NRP2: variants seen among roughly 807,000 people sequenced by gnomAD.
NRP2 encodes the protein neuropilin-2.
In NRP2, 52 loss-of-function variants were observed where a neutral mutation model predicts 110.4. The ratio of observed to expected loss-of-function variants is 0.47; its 90% CI spans 0.38 to 0.59. The LOEUF is 0.59. Among genes scored for constraint, NRP2 ranks in the 20% least tolerant of loss-of-function variants. The pLI is 0.00. For missense variants in NRP2, 1,049 were observed against 1,203.0 expected, an observed-to-expected ratio of 0.87 and a Z score of 1.89; for synonymous variants, 508 against 468.9, an observed-to-expected ratio of 1.08 and a Z score of -1.08.
Position 205,749,795 on chromosome 2 carries a change from C to A in NRP2, c.1857C>A (p.Thr619=), listed in dbSNP as rs777980687. The A allele has an allele frequency of 3.1e-6, 5 of 1,614,026 alleles. No homozygotes were observed. In the African/African-American group the frequency reaches 5.3e-5, roughly 17 times the overall value. Residue 619 remains threonine, a synonymous_variant, in exon 11 of 17, where the codon ACC becomes ACA. Coordinates refer to ENST00000357785, the MANE Select transcript of NRP2 (RefSeq NM_003872.3). ...KSEETTTPYP[T]EEEATECGEN... ...AAGAGACAACCACCCCCTACCCCAC[C>A]GAAGAGGAGGCCACAGAGTGTGGGG...
intron 7 of NRP2, among the ~76,000 whole-genome samples, chr2:205,736,661 A>G (rs1370305670): frequency 6.6e-6 from 1 of 152,220 alleles, no homozygotes; most frequent in East Asian, 1.9e-4. Context: ...TTAAGTGTCT[A>G]TCTGCAAGCC....
intron 7 of NRP2, among the ~76,000 whole-genome samples, chr2:205,730,845 G>A (rs1221542984): frequency 6.6e-6 from 1 of 152,220 alleles, no homozygotes; most frequent in Non-Finnish European, 1.5e-5. Context: ...CAAGGCCTAG[G>A]CCTCTGAAAG....
chr2:205,702,674 C>A (rs2056585827), intron 2 of NRP2, among the ~76,000 whole-genome samples: 1 of 152,184 alleles, frequency 6.6e-6, no homozygotes, highest in Non-Finnish European at 1.5e-5. Context: ...CAGTTGATAA[C>A]CTGATCATAG....
At chr2:205,765,805 G>A (rs2057908814) in intron 14 of NRP2, 3 of 652,278 alleles carry the variant, frequency 4.6e-6, no homozygotes, top group East Asian at 6.3e-5. Context: ...AAATAGACAT[G>A]CACTAAGTAC....
intron 15 of NRP2, among the ~76,000 whole-genome samples, chr2:205,769,770 G>C (rs952841875): frequency 6.6e-6 from 1 of 152,008 alleles, no homozygotes; most frequent in Non-Finnish European, 1.5e-5. Flanking sequence ...ACATGGTGCC[G>C]TCATGTATCT....
intron 15 of NRP2, among the ~76,000 whole-genome samples, chr2:205,782,796 G>A (rs935215085): frequency 4.6e-5 from 7 of 150,706 alleles, no homozygotes; most frequent in Non-Finnish European, 8.8e-5. Flanking sequence ...TCCATATTGT[G>A]TTGATATGCC....
chr2:205,742,919 C>T (rs914464135), intron 8 of NRP2, among the ~76,000 whole-genome samples: 4 of 152,184 alleles, frequency 2.6e-5, no homozygotes, highest in African/African-American at 9.7e-5. Context: ...GTAGGCACCT[C>T]TATTAGCTCC....
At chr2:205,794,171 C>T (rs1005246606) in intron 16 of NRP2, among the ~76,000 whole-genome samples, 5 of 152,198 alleles carry the variant, frequency 3.3e-5, no homozygotes, top group African/African-American at 9.6e-5. Context: ...AGTGCAGTGG[C>T]GCAATCTCGG....
chr2:205,775,466 C>T (rs1437421724), intron 15 of NRP2, among the ~76,000 whole-genome samples: 2 of 152,180 alleles, frequency 1.3e-5, no homozygotes, highest in African/African-American at 2.4e-5. Flanking sequence ...CTCACTCACT[C>T]ACTCTCGCTC....
intron 15 of NRP2, among the ~76,000 whole-genome samples, chr2:205,788,956 T>A (rs1467210604): frequency 6.6e-6 from 1 of 152,198 alleles, no homozygotes; most frequent in Non-Finnish European, 1.5e-5. Flanking sequence ...CAATGTAATT[T>A]AGTTTCCTGC....
At chr2:205,741,340 G>A (rs2057438247) in intron 8 of NRP2, among the ~76,000 whole-genome samples, 1 of 152,210 alleles carries the variant, frequency 6.6e-6, no homozygotes, top group Non-Finnish European at 1.5e-5. Flanking sequence ...TTGAGGTGAG[G>A]TTAGAAGGCA....
At chr2:205,744,022 G>T (rs1300053319) in intron 9 of NRP2, among the ~76,000 whole-genome samples, 1 of 152,170 alleles carries the variant, frequency 6.6e-6, no homozygotes, top group African/African-American at 2.4e-5. Context: ...GGGATTATAG[G>T]CATGAACCAC....
chr2:205,716,173 T>C lies in NRP2; in HGVS notation c.252-20T>C, dbSNP rs773927775. Reference sequence around the variant, plus strand: ...ATGTCCTTCGAGTGATCTTTTCTTGTCTGTGCCATCCCCACCCAGGTATGA... The same window carrying C: ...ATGTCCTTCGAGTGATCTTTTCTTGCCTGTGCCATCCCCACCCAGGTATGA... On this transcript the variant is annotated intron_variant, in intron 2 of 16. Transcript: ENST00000357785. 8.1e-6 allele frequency: 13 copies of C among 1,613,848 alleles called. No individual in the cohort carries two copies. In the South Asian group the frequency reaches 1.3e-4, roughly 16 times the overall value.
At position 205,763,922 on chromosome 2, in the gene NRP2, G is replaced by T; in HGVS notation, c.2293G>T (p.Asp765Tyr). Residue 765 changes from aspartate (D) to tyrosine (Y), a missense_variant, in exon 13 of 17, where the codon GAC (aspartate) becomes TAC (tyrosine). Physicochemically the swap from Asp to Tyr is radical, Grantham distance 160 (BLOSUM62 -3). Coordinates refer to ENST00000357785, the MANE Select transcript of NRP2 (RefSeq NM_003872.3). The surrounding 1 kb of genome is among the most constrained non-coding windows in gnomAD (Gnocchi z 4.0). ...CGGGCGGATCATCCTGCCCAGCTACGACATGGAGTACCAGGTGGGGTGAGC... is the reference window on the plus strand; with the variant it reads ...CGGGCGGATCATCCTGCCCAGCTACTACATGGAGTACCAGGTGGGGTGAGC... ...KHGRIILPSYDMEYQIVFEGV... is the reference protein window; with the variant it reads ...KHGRIILPSYYMEYQIVFEGV... 6.2e-7 allele frequency: 1 copy of T among 1,614,076 alleles called. No individual in the cohort carries two copies. Among genetic ancestry groups the T allele is most frequent in the Non-Finnish European group, 8.5e-7 (1 of 1,179,976 alleles).
At chr2:205,759,689 A>T (rs1450758883) in intron 12 of NRP2, 2 of 152,160 alleles carry the variant, frequency 1.3e-5, no homozygotes, top group African/African-American at 4.8e-5. Context: ...CTCATGCCAA[A>T]CATACTTCTT....
In NRP2 at chr2:205,734,170, T is replaced by TTATATA. The variant is rs61142559; in HGVS notation, c.1146+6137_1146+6142dup. Among the ~76,000 whole-genome samples the TTATATA allele has an allele frequency of 1.5e-3, 230 of 149,390 alleles. 2 individuals are homozygous for TTATATA. Among genetic ancestry groups the TTATATA allele is most frequent in the African/African-American group, 5.4e-3 (221 of 40,684 alleles). ...ACCTTCTCTTAATCTCTCTCTGTGT[T>TTATATA]TATATATATATATATATACATATAT... On this transcript the variant is annotated intron_variant, in intron 7 of 16. Coordinates refer to ENST00000357785, the MANE Select transcript of NRP2 (RefSeq NM_003872.3).
Position 205,709,994 on chromosome 2 carries a change from G to T in NRP2, c.252-6199G>T, listed in dbSNP as rs546999405. Reference sequence around the variant, plus strand: ...TCTTGAAATCATGGATTCCAAATCCGCTCACTTTTCCTGTTGGTGATTTGT... The same window carrying T: ...TCTTGAAATCATGGATTCCAAATCCTCTCACTTTTCCTGTTGGTGATTTGT... On this transcript the variant is annotated intron_variant, in intron 2 of 16. Transcript: ENST00000357785. Among the ~76,000 whole-genome samples, 121 of 152,268 alleles carry T rather than the reference G, an allele frequency of 7.9e-4. 3 individuals carry two copies. In the South Asian group the frequency reaches 0.021, roughly 26 times the overall value.
intron 1 of NRP2, among the ~76,000 whole-genome samples, chr2:205,695,917 T>G (rs1411353181): frequency 2.0e-5 from 3 of 152,080 alleles, no homozygotes; most frequent in Admixed American, 6.6e-5. Flanking sequence ...CCTCATGTGG[T>G]CTGGGTGGGA....
intron 3 of NRP2, among the ~76,000 whole-genome samples, chr2:205,721,070 C>T (rs2057001503): frequency 6.6e-6 from 1 of 152,220 alleles, no homozygotes; most frequent in Admixed American, 6.5e-5. Context: ...ACTCCTCCAT[C>T]CGCATTTATT....
Sources: allele counts gnomAD v4.1 joint callset (sites outside exome capture counted in the v4.1 genomes callset), GRCh38; gene constraint gnomAD v4.1.1; non-coding constraint Gnocchi (gnomAD v3.1); transcripts MANE v1.5; gene names NCBI Gene and HGNC (gene_info 2026-07-23, HGNC 2026-07-21).